SMOC2: variants seen among roughly 807,000 people sequenced by gnomAD.
SMOC2 encodes the protein SPARC-related modular calcium-binding protein 2.
Under a neutral mutation model 61.4 loss-of-function variants are expected in SMOC2, and 39 were observed. That is an observed-to-expected ratio of 0.64 (90% CI 0.49 to 0.83). SMOC2 has a LOEUF of 0.83. SMOC2 is among the 40% of genes least tolerant of loss of function. SMOC2 has a pLI of 0.00. For synonymous variants in SMOC2, 247 were observed against 239.9 expected (o/e 1.03, Z -0.27); for missense variants, 556 against 592.9 (o/e 0.94, Z 0.65).
intron 7 of SMOC2, among the ~76,000 whole-genome samples, chr6:168,587,060 G>A (rs1472563092): frequency 6.6e-6 from 1 of 152,168 alleles, no homozygotes; most frequent in Non-Finnish European, 1.5e-5. Flanking sequence ...ATAAAAATGA[G>A]CAACTAAATT....
At chr6:168,582,904 T>A (rs1381995641) in intron 7 of SMOC2, among the ~76,000 whole-genome samples, 1 of 152,084 alleles carries the variant, frequency 6.6e-6, no homozygotes, top group African/African-American at 2.4e-5. Context: ...AACCCACTCT[T>A]TCCACATGGA....
chr6:168,573,634 T>A (rs1784726366), intron 7 of SMOC2, among the ~76,000 whole-genome samples: 1 of 152,094 alleles, frequency 6.6e-6, no homozygotes, highest in South Asian at 2.1e-4. Context: ...GCAGCATGCA[T>A]GGGGCAGGCA....
At chr6:168,600,727 G>C (rs1437473130) in intron 8 of SMOC2, among the ~76,000 whole-genome samples, 1 of 152,212 alleles carries the variant, frequency 6.6e-6, no homozygotes, top group Non-Finnish European at 1.5e-5. Flanking sequence ...GTCCAAGATG[G>C]CTTTTTATGG....
In SMOC2 at chr6:168,526,364, C is replaced by A; in HGVS notation, c.275C>A (p.Ala92Asp). 1 of 1,614,218 alleles carries A rather than the reference C, an allele frequency of 6.2e-7. No individual in the cohort carries two copies. The highest frequency in any genetic ancestry group is 8.5e-7 in the Non-Finnish European group (1 of 1,180,032). The change falls in exon 3 of 13, where the codon GCC becomes GAC. Residue 92 changes from alanine to aspartate, a missense_variant. Physicochemically the swap from Ala to Asp is moderately radical, Grantham distance 126. Coordinates refer to ENST00000356284, the MANE Select transcript of SMOC2 (RefSeq NM_001166412.2). ...CCTACAGACGTGTCCAGGTGTGTGG[C>A]CGAAAGGAAGTATACCCAGGAGCAA... ...GNCKDVSRCV[A>D]ERKYTQEQAR...
chr6:168,518,019 C>T (rs1783186376), intron 2 of SMOC2, among the ~76,000 whole-genome samples: 1 of 152,246 alleles, frequency 6.6e-6, no homozygotes, highest in Non-Finnish European at 1.5e-5. Context: ...GGAGGTTTTC[C>T]CATCGCATGA....
intron 1 of SMOC2, among the ~76,000 whole-genome samples, chr6:168,458,517 C>A (rs1781644005): frequency 6.6e-6 from 1 of 152,208 alleles, no homozygotes; most frequent in Non-Finnish European, 1.5e-5. Flanking sequence ...GAAGTGCAGC[C>A]TCTTTGGAGT....
At chr6:168,494,950 C>T (rs185438164) in intron 1 of SMOC2, among the ~76,000 whole-genome samples, 96 of 152,330 alleles carry the variant, frequency 6.3e-4, no homozygotes, top group African/African-American at 2.1e-3. Context: ...CTCCCTTGGG[C>T]CGGGGTGTGC....
In SMOC2 at chr6:168,647,626, G is replaced by T. The variant is rs145301921; in HGVS notation, c.908-3055G>T. The stretch of plus-strand genomic sequence containing the variant: ...TTTCTCTTTTACCTCAAGCCTCGTT[G>T]CTCCTCTCATGCGTTTGCTAGATCT... On this transcript the variant is annotated intron_variant, in intron 9 of 12. Transcript: ENST00000356284. 2.7e-3 allele frequency among the ~76,000 whole-genome samples: 408 copies of T among 152,174 alleles called. 2 individuals carry two copies. Among genetic ancestry groups the T allele is most frequent in the African/African-American group, 9.4e-3 (390 of 41,542 alleles).
chr6:168,528,622 C>T (rs1417245233), intron 4 of SMOC2, among the ~76,000 whole-genome samples: 2 of 152,132 alleles, frequency 1.3e-5, no homozygotes, highest in Non-Finnish European at 2.9e-5. Context: ...GAGCCATGGC[C>T]CTGGCCAGAA....
chr6:168,441,339 G>T lies in SMOC2; in HGVS notation c.-32G>T. The T allele has an allele frequency of 6.7e-7, 1 of 1,497,420 alleles. No individual in the cohort carries two copies. The allele number at this position is 1,497,420 out of a possible 1,614,324, so 92.8% of individuals were successfully genotyped here. ...CTGCAGTGCCAGGGCGCAGGACGCG[G>T]CCGATCTCCCGCTCCCGCCACCTCC... On this transcript the variant is annotated 5_prime_UTR_variant, in exon 1 of 13. Coordinates refer to ENST00000356284, the MANE Select transcript of SMOC2 (RefSeq NM_001166412.2).
rs536807239 is a variant in SMOC2, at chr6:168,575,292, G to A, written c.638-23526G>A. ...AAGTGAGCACTCAACATGCATTTCG[G>A]ATGTTTCCTGCAGAATATTTTTTCC... On this transcript the variant is annotated intron_variant, in intron 7 of 12. Transcript: ENST00000356284. 1.1e-3 allele frequency among the ~76,000 whole-genome samples: 175 copies of A among 152,280 alleles called. 1 individual carries two copies. Among genetic ancestry groups the A allele is most frequent in the Non-Finnish European group, 2.1e-3 (141 of 68,034 alleles).
At chr6:168,520,295 AAC>A (rs1469475783) in intron 2 of SMOC2, among the ~76,000 whole-genome samples, 2 of 152,200 alleles carry the variant, frequency 1.3e-5, no homozygotes, top group South Asian at 4.1e-4. Flanking sequence ...CAACTTTTAA[AAC>A]ACAGTGTCTG....
chr6:168,536,790 C>T (rs1172090440), intron 4 of SMOC2, among the ~76,000 whole-genome samples: 2 of 152,154 alleles, frequency 1.3e-5, no homozygotes, highest in Admixed American at 6.5e-5. Flanking sequence ...ACAAGGAGTG[C>T]GTGCAAGTCC....
At chr6:168,585,251 G>A (rs1414085534) in intron 7 of SMOC2, among the ~76,000 whole-genome samples, 1 of 152,148 alleles carries the variant, frequency 6.6e-6, no homozygotes, top group Non-Finnish European at 1.5e-5. Context: ...GAGCTGCTGT[G>A]CCCAGCCTAC....
chr6:168,467,416 C>T (rs1174906517), intron 1 of SMOC2, among the ~76,000 whole-genome samples: 2 of 152,080 alleles, frequency 1.3e-5, no homozygotes, highest in African/African-American at 4.8e-5. Flanking sequence ...AAGCGATTCT[C>T]CTGCCTCAGC....
In SMOC2 at chr6:168,608,208, C is replaced by T; in HGVS notation, c.876C>T (p.Ala292=). The T allele has an allele frequency of 6.2e-7, 1 of 1,613,658 alleles. No individual in the cohort carries two copies. Among genetic ancestry groups the T allele is most frequent in the Non-Finnish European group, 8.5e-7 (1 of 1,179,882 alleles). The change falls in exon 9 of 13, where the codon GCC becomes GCT. Residue 292 remains alanine (A), a synonymous_variant. Coordinates refer to ENST00000356284, the MANE Select transcript of SMOC2 (RefSeq NM_001166412.2). Reference sequence around the variant, plus strand: ...CGGCCAGGGCCCACCCAGCCAAAGCCCGGGACCTGTACAAGGGCCGCCAGC... The same window carrying T: ...CGGCCAGGGCCCACCCAGCCAAAGCTCGGGACCTGTACAAGGGCCGCCAGC... The part of the protein sequence containing the change: ...DNTARAHPAK[A]RDLYKGRQLQ...
At chr6:168,546,959 G>A (rs574900312) in intron 5 of SMOC2, 160 bp from the exon 6 acceptor site, 18 of 812,986 alleles carry the variant, frequency 2.2e-5, no homozygotes, top group African/African-American at 8.3e-5. Context: ...CATTCCAGCC[G>A]CAGCTGCAGG....
At chr6:168,662,732 C>T (rs914798337) in intron 11 of SMOC2, among the ~76,000 whole-genome samples, 11 of 152,040 alleles carry the variant, frequency 7.2e-5, no homozygotes, top group Non-Finnish European at 1.5e-4. Flanking sequence ...GAGAGGTGGG[C>T]GGTTCCGGCC....
rs144133162 is a variant in SMOC2 at position 168,650,733 on chromosome 6, G to C, written c.960G>C (p.Leu320=). Residue 320 remains leucine, a synonymous_variant, in exon 10 of 13, where the codon CTG becomes CTC. Coordinates refer to ENST00000356284, the MANE Select transcript of SMOC2 (RefSeq NM_001166412.2). ...HEFLTSVLDA[L]STDMVHAASD... ...TTCTGACCAGCGTTCTGGACGCGCT[G>C]TCCACGGACATGGTCCACGCCGCCT... 17 of 1,613,564 alleles carry C rather than the reference G, an allele frequency of 1.1e-5. No individual in the cohort carries two copies. In the African/African-American group the frequency reaches 2.0e-4, roughly 19 times the overall value.
Sources: allele counts gnomAD v4.1 joint callset (sites outside exome capture counted in the v4.1 genomes callset), GRCh38; gene constraint gnomAD v4.1.1; transcripts MANE v1.5; gene names NCBI Gene and HGNC (gene_info 2026-07-23, HGNC 2026-07-21).